The following NAGK variants were observed in gnomAD, a reference collection of about 807,000 sequenced individuals.
NAGK encodes N-acetyl-D-glucosamine kinase.
NAGK carries 35 observed loss-of-function variants against 42.9 expected under a neutral mutation model. That is an observed-to-expected ratio of 0.82 (90% confidence interval 0.62 to 1.08). The LOEUF (loss-of-function observed/expected upper bound fraction) is 1.08. Ranked by LOEUF, NAGK falls within the 50% of genes least tolerant of loss-of-function variation. The pLI is 0.00. For synonymous variants in NAGK, 172 were observed against 176.0 expected (o/e 0.98, Z 0.18); for missense variants, 446 against 446.0 (o/e 1.00, Z 0.00).
At chr2:71,072,956 G>A (rs550766151) in intron 5 of NAGK, 23 of 626,250 alleles carry the variant, frequency 3.7e-5, no homozygotes, top group Non-Finnish European at 6.5e-5. Context: ...CTCCAGCAGT[G>A]ACTTGCACCC....
In NAGK at chr2:71,070,554, G is replaced by A. The variant is rs771911827; in HGVS notation, c.82G>A (p.Ala28Thr). ...AGTCTCAGAGGATGGGAAGATCCTG[G>A]CAGAAGCAGATGGACTGAGCACAAA... ...LLVSEDGKIL[A>T]EADGLSTNHW... Residue 28 changes from alanine to threonine, a missense_variant, in exon 2 of 10, where the codon GCA (alanine) becomes ACA (threonine). Ala to Thr is a moderately conservative substitution (Grantham distance 58, BLOSUM62 0). Coordinates refer to ENST00000244204, the MANE Select transcript of NAGK (RefSeq NM_017567.6). The A allele has an allele frequency of 1.9e-6, 3 of 1,614,138 alleles. No individual in the cohort carries two copies. In the South Asian group the frequency reaches 3.3e-5, roughly 18 times the overall value.
At position 71,070,577 on chromosome 2, in the gene NAGK, A is replaced by C. The variant is rs373688869; in HGVS notation, c.105A>C (p.Thr35=). 5 of 1,613,762 alleles carry C rather than the reference A, an allele frequency of 3.1e-6. No homozygotes were observed. The highest frequency in any genetic ancestry group is 3.4e-6 in the Non-Finnish European group (4 of 1,179,784). Reference sequence around the variant, plus strand: ...TGGCAGAAGCAGATGGACTGAGCACAAACCACTGGGTAAAAACCACACTGA... The same window carrying C: ...TGGCAGAAGCAGATGGACTGAGCACCAACCACTGGGTAAAAACCACACTGA... The part of the protein sequence containing the change: ...KILAEADGLS[T]NHWLIGTDKC... Residue 35 remains threonine (T), a synonymous_variant, in exon 2 of 10, where the codon ACA becomes ACC. Coordinates refer to ENST00000244204, the MANE Select transcript of NAGK (RefSeq NM_017567.6).
chr2:71,075,271 T>A, intron 6 of NAGK: 3 of 282,582 alleles, frequency 1.1e-5, no homozygotes, highest in East Asian at 6.5e-5. Context: ...AAAAAAAAAA[T>A]TACAAAAAAA....
chr2:71,068,424 G>A, upstream of NAGK: 1 of 1,298,564 alleles, frequency 7.7e-7, no homozygotes, highest in Non-Finnish European at 1.0e-6. Context: ...CTGGAAGCAG[G>A]ATCCAGGAGG....
rs1452187739 is a variant in NAGK, at chr2:71,073,596, T to G, written c.579+2T>G. ...CAGGCCATGTTCCACTATTTCCAGG[T>G]ACTCCTCCTGCTCCCAGTAAACATG... On this transcript the variant is annotated splice_donor_variant, in intron 6 of 9. Coordinates refer to ENST00000244204, the MANE Select transcript of NAGK (RefSeq NM_017567.6). LOFTEE classifies it high-confidence loss of function. 9 of 1,606,300 alleles carry G rather than the reference T, an allele frequency of 5.6e-6. No individual in the cohort carries two copies. Among genetic ancestry groups the G allele is most frequent in the Non-Finnish European group, 6.8e-6 (8 of 1,173,026 alleles).
chr2:71,078,512 G>C lies in NAGK; in HGVS notation c.*4G>C. 2 of 1,513,512 alleles carry C rather than the reference G, an allele frequency of 1.3e-6. No homozygotes were observed. The highest frequency in any genetic ancestry group is 1.8e-6 in the Non-Finnish European group (2 of 1,124,236). The allele number at this position is 1,513,512 out of a possible 1,614,324, so 93.8% of individuals were successfully genotyped here. A position where few individuals can be genotyped will look rare whatever the true frequency, so the allele number is the denominator to read the frequency against. On this transcript the variant is annotated 3_prime_UTR_variant, in exon 10 of 10. Transcript: ENST00000244204. ...CTATTCCTACACCTTTTCCTAGGGGGCTGGTCCCGGCTCCACCCCCTCCAA... is the reference window on the plus strand; with the variant it reads ...CTATTCCTACACCTTTTCCTAGGGGCCTGGTCCCGGCTCCACCCCCTCCAA...
At chr2:71,071,076 G>T (rs1671986224) in intron 3 of NAGK, 3 of 522,692 alleles carry the variant, frequency 5.7e-6, no homozygotes, top group Non-Finnish European at 7.0e-6. Flanking sequence ...TTGAATCCCA[G>T]CTTTGCTGCT....
Position 71,069,135 on chromosome 2 carries a change from T to C in NAGK, c.29+423T>C, listed in dbSNP as rs561827309. The C allele has an allele frequency of 6.0e-6, 6 of 996,368 alleles. No homozygotes were observed. In the African/African-American group the frequency reaches 1.0e-4, roughly 17 times the overall value. 61.7% of individuals were successfully genotyped at this position (996,368 alleles called of 1,614,324 possible). A position where few individuals can be genotyped will look rare whatever the true frequency, so the allele number is the denominator to read the frequency against. ...AGCGGGACAAAGATCTTGGCTGAGGTTATCCGGGAGCTGGAGCAGCTGCGA... is the reference window on the plus strand; with the variant it reads ...AGCGGGACAAAGATCTTGGCTGAGGCTATCCGGGAGCTGGAGCAGCTGCGA... On this transcript the variant is annotated intron_variant, in intron 1 of 9. Transcript: ENST00000244204.
intron 8 of NAGK, 55 bp downstream of exon 8, chr2:71,076,756 C>A: frequency 6.9e-7 from 1 of 1,448,472 alleles, no homozygotes; most frequent in Non-Finnish European, 9.7e-7. Flanking sequence ...GTGGTCCTTT[C>A]CCACTGTGGA....
chr2:71,069,034 G>A (rs934840901), intron 1 of NAGK: 3 of 1,110,344 alleles, frequency 2.7e-6, no homozygotes, highest in Non-Finnish European at 3.3e-6. Flanking sequence ...TCCTGACCTC[G>A]GACAGAGTTT....
At chr2:71,077,060 C>T (rs147271771) in intron 8 of NAGK, among the ~76,000 whole-genome samples, 2 of 152,152 alleles carry the variant, frequency 1.3e-5, no homozygotes, top group Non-Finnish European at 2.9e-5. Context: ...ACCTCCCACT[C>T]TACCTCCCAG....
intron 3 of NAGK, 90 bp downstream of exon 3, chr2:71,070,929 G>T: frequency 2.3e-6 from 3 of 1,294,822 alleles, no homozygotes; most frequent in Non-Finnish European, 3.3e-6. Flanking sequence ...TGACTGCAGA[G>T]GGAAAGACCT....
At chr2:71,068,615 C>G (rs1028239657), upstream of NAGK, 2 of 1,525,280 alleles carry the variant, frequency 1.3e-6, no homozygotes, top group African/African-American at 2.8e-5. Flanking sequence ...GCCCAGACAG[C>G]TGGAGGGAAG....
chr2:71,073,498 C>G lies in NAGK; in HGVS notation c.483C>G (p.His161Gln), dbSNP rs1274938224. ...TCCCTGCAGCCTACTGGATCGCACA[C>G]CAAGCAGTGAAAATAGTGTTTGACT... is the stretch of plus-strand genomic sequence containing the variant. ...GDEGSAYWIA[H>Q]QAVKIVFDSI... The change falls in exon 6 of 10, where the codon CAC becomes CAG. Residue 161 changes from histidine to glutamine, a missense_variant. His to Gln is a conservative substitution (Grantham distance 24). Transcript: ENST00000244204. 7 of 1,613,952 alleles carry G rather than the reference C, an allele frequency of 4.3e-6. No individual in the cohort carries two copies. Among genetic ancestry groups the G allele is most frequent in the South Asian group, 1.1e-5 (1 of 91,086 alleles).
chr2:71,073,301 TAC>T (rs1344197819), intron 5 of NAGK, 179 bp from the exon 6 acceptor site: 1 of 611,816 alleles, frequency 1.6e-6, no homozygotes, highest in African/African-American at 1.8e-5. Flanking sequence ...GTCAGTCAGA[TAC>T]AGTTTGATAG....
upstream of NAGK, chr2:71,068,607 C>T: frequency 1.3e-6 from 2 of 1,524,404 alleles, no homozygotes; most frequent in Non-Finnish European, 1.8e-6. Flanking sequence ...GGGGCGGTGC[C>T]CAGACAGCTG....
chr2:71,073,690 G>A, intron 6 of NAGK, 96 bp downstream of exon 6: 1 of 1,017,996 alleles, frequency 9.8e-7, no homozygotes. Flanking sequence ...GGGCGGACCG[G>A]CAGGAAATAG....
intron 3 of NAGK, chr2:71,071,321 A>T: frequency 3.3e-6 from 1 of 301,682 alleles, no homozygotes; most frequent in Non-Finnish European, 6.3e-6. Flanking sequence ...CTCCCTGGAC[A>T]TATATGTGAG....
chr2:71,075,178 A>T (rs556862856), intron 6 of NAGK: 1 of 172,158 alleles, frequency 5.8e-6, no homozygotes, highest in South Asian at 1.6e-4. Flanking sequence ...AGAGCACCCC[A>T]ACCCAGCTAC....
Sources: gnomAD v4.1 joint callset for allele counts (sites outside exome capture counted in the v4.1 genomes callset) on GRCh38, gnomAD v4.1.1 for gene constraint, MANE v1.5 for transcripts, NCBI Gene and HGNC (gene_info 2026-07-23, HGNC 2026-07-21) for gene names.